CA8: variants seen among roughly 807,000 people sequenced by gnomAD.
CA8 encodes carbonic anhydrase 8 (inactive), also known as carbonic anhydrase-related protein.
A neutral mutation model predicts 41.4 loss-of-function variants in CA8; 22 were observed. The ratio of observed to expected loss-of-function variants is 0.53; its 90% CI spans 0.38 to 0.76. CA8 has a LOEUF of 0.76. Ranked by LOEUF, CA8 falls within the 30% of genes least tolerant of loss-of-function variation. The pLI is 0.00. For synonymous variants in CA8, 121 were observed against 130.6 expected, an observed-to-expected ratio of 0.93 and a Z score of 0.50; for missense variants, 270 against 352.8, an observed-to-expected ratio of 0.77 and a Z score of 1.88.
At chr8:60,224,651 T>A (rs1807364025) in intron 5 of CA8, 66 bp from the exon 6 acceptor site, 5 of 1,010,956 alleles carry the variant, frequency 4.9e-6, no homozygotes, top group Non-Finnish European at 7.7e-6. Flanking sequence ...ATAAAAAATC[T>A]ATTAGAACTA....
intron 2 of CA8, among the ~76,000 whole-genome samples, chr8:60,276,398 G>A (rs1229668556): frequency 2.0e-5 from 3 of 152,150 alleles, no homozygotes; most frequent in Admixed American, 1.3e-4. Flanking sequence ...CCTGATGCAC[G>A]CTAATGTCCT....
At chr8:60,272,126 G>A (rs974256675) in intron 2 of CA8, among the ~76,000 whole-genome samples, 7 of 152,016 alleles carry the variant, frequency 4.6e-5, no homozygotes, top group African/African-American at 1.7e-4. Flanking sequence ...GAAACCGGGG[G>A]CTCCATCCAA....
chr8:60,244,751 T>C (rs1808165928), intron 3 of CA8, among the ~76,000 whole-genome samples: 1 of 152,174 alleles, frequency 6.6e-6, no homozygotes, highest in South Asian at 2.1e-4. Flanking sequence ...TCTGAAAATG[T>C]TTTTAAAAAC....
intron 7 of CA8, among the ~76,000 whole-genome samples, chr8:60,220,000 T>G (rs1807190457): frequency 6.7e-6 from 1 of 150,102 alleles, no homozygotes; most frequent in South Asian, 2.1e-4. Context: ...TCCTTGCCTT[T>G]CCCACAAAAC....
chr8:60,231,531 AG>A (rs1807647299), intron 4 of CA8, among the ~76,000 whole-genome samples: 1 of 152,204 alleles, frequency 6.6e-6, no homozygotes, highest in Admixed American at 6.5e-5. Flanking sequence ...CTCTAATCCC[AG>A]GTTATCCAAT....
intron 3 of CA8, among the ~76,000 whole-genome samples, chr8:60,238,644 C>G (rs1480739796): frequency 6.6e-6 from 1 of 152,080 alleles, no homozygotes; most frequent in Non-Finnish European, 1.5e-5. Context: ...ATTATGAAGC[C>G]CGACTAATCT....
intron 3 of CA8, among the ~76,000 whole-genome samples, chr8:60,254,263 T>C (rs907219967): frequency 2.0e-5 from 3 of 152,164 alleles, no homozygotes; most frequent in African/African-American, 7.2e-5. Context: ...TCTCCCTCCC[T>C]AACAGACTCA....
chr8:60,271,840 C>T (rs887210205), intron 2 of CA8, among the ~76,000 whole-genome samples: 3 of 152,180 alleles, frequency 2.0e-5, no homozygotes, highest in Non-Finnish European at 4.4e-5. Context: ...TGCTTACAAT[C>T]CTCTTTATAC....
At chr8:60,221,087 G>C (rs1227459692) in intron 7 of CA8, among the ~76,000 whole-genome samples, 1 of 152,162 alleles carries the variant, frequency 6.6e-6, no homozygotes, top group Non-Finnish European at 1.5e-5. Context: ...ATCTGTTGCA[G>C]CAGCCAACAT....
chr8:60,261,588 A>C (rs1302980583), intron 3 of CA8, among the ~76,000 whole-genome samples: 2 of 152,162 alleles, frequency 1.3e-5, no homozygotes, highest in Admixed American at 1.3e-4. Flanking sequence ...TAAAAACCTA[A>C]ATCTATCCAA....
chr8:60,214,166 T>C (rs1275846207), intron 7 of CA8, among the ~76,000 whole-genome samples: 1 of 152,222 alleles, frequency 6.6e-6, no homozygotes, highest in Non-Finnish European at 1.5e-5. Context: ...AGAACAGAAA[T>C]GTATTTTCTC....
At chr8:60,242,307 G>C (rs74927143) in intron 3 of CA8, among the ~76,000 whole-genome samples, 3,732 of 152,202 alleles carry the variant, frequency 0.025, 161 homozygotes, top group African/African-American at 0.085. Flanking sequence ...TATAATAATA[G>C]ATTCTATGAC....
At chr8:60,217,596 T>C (rs1807064875) in intron 7 of CA8, among the ~76,000 whole-genome samples, 1 of 152,186 alleles carries the variant, frequency 6.6e-6, no homozygotes, top group Non-Finnish European at 1.5e-5. Flanking sequence ...CTGTATACCA[T>C]ACCCCTTTCT....
intron 3 of CA8, among the ~76,000 whole-genome samples, chr8:60,254,572 G>A (rs1808560973): frequency 2.0e-5 from 3 of 152,354 alleles, no homozygotes; most frequent in Admixed American, 2.0e-4. Context: ...TTGGATAAGT[G>A]ATATTTGTTT....
At chr8:60,246,490 G>A (rs2130537137) in intron 3 of CA8, among the ~76,000 whole-genome samples, 1 of 152,090 alleles carries the variant, frequency 6.6e-6, no homozygotes, top group African/African-American at 2.4e-5. Context: ...AGTGAGATGG[G>A]TTTCGCCATG....
chr8:60,232,369 ATC>A lies in CA8; in HGVS notation c.426_427del (p.Ile143ProfsTer11). 1 of 1,613,276 alleles carries A rather than the reference ATC, an allele frequency of 6.2e-7. No homozygotes were observed. The highest frequency in any genetic ancestry group is 8.5e-7 in the Non-Finnish European group (1 of 1,179,188). ...GCCAAACAGAGTGGAGTTCCAGTGG[ATC>A]AGATGGAGCTGAGTGAGTGGCAACA... On this transcript the variant is annotated frameshift_variant, in exon 4 of 9. Transcript: ENST00000317995. LOFTEE classifies it high-confidence loss of function.
At chr8:60,192,811 T>G (rs1806167611) in intron 8 of CA8, among the ~76,000 whole-genome samples, 1 of 152,144 alleles carries the variant, frequency 6.6e-6, no homozygotes, top group Non-Finnish European at 1.5e-5. Flanking sequence ...TTTAGCTGAT[T>G]ATTTTAACAC....
chr8:60,258,346 T>C (rs1334885477), intron 3 of CA8, among the ~76,000 whole-genome samples: 3 of 152,216 alleles, frequency 2.0e-5, no homozygotes, highest in African/African-American at 7.2e-5. Flanking sequence ...GATACATTTG[T>C]ATAGGAAAAA....
At chr8:60,246,282 G>T (rs1354932954) in intron 3 of CA8, among the ~76,000 whole-genome samples, 5 of 61,812 alleles carry the variant, frequency 8.1e-5, no homozygotes, top group African/African-American at 3.2e-4. Flanking sequence ...ATGCATTTCT[G>T]GGGGGGGTTG....
Sources: allele counts gnomAD v4.1 joint callset (sites outside exome capture counted in the v4.1 genomes callset), GRCh38; gene constraint gnomAD v4.1.1; transcripts MANE v1.5; gene names NCBI Gene and HGNC (gene_info 2026-07-23, HGNC 2026-07-21).